Variants in LPCAT2 observed in about 807,000 individuals in gnomAD.
LPCAT2 encodes the protein lysophosphatidylcholine acyltransferase 2, also known as 1-AGP acyltransferase 11.
Under a neutral mutation model 64.7 loss-of-function variants are expected in LPCAT2, and 58 were observed. The observed-to-expected ratio is 0.90, with a 90% CI of 0.73 to 1.12. The LOEUF (loss-of-function observed/expected upper bound fraction) is 1.12. Among genes scored for constraint, LPCAT2 ranks in the 50% most tolerant of loss-of-function variants. LPCAT2 has a pLI of 0.00. For synonymous variants in LPCAT2, 252 were observed against 245.3 expected (o/e 1.03, Z -0.26); for missense variants, 579 against 669.8 (o/e 0.86, Z 1.50).
At chr16:55,521,164 T>C (rs1286282660) in intron 1 of LPCAT2, among the ~76,000 whole-genome samples, 1 of 151,792 alleles carries the variant, frequency 6.6e-6, no homozygotes, top group Non-Finnish European at 1.5e-5. Context: ...TGAAACAGCA[T>C]ATATCATTAT....
In LPCAT2 at chr16:55,575,758, T is replaced by C. The variant is rs118016001; in HGVS notation, c.1314+1029T>C. On this transcript the variant is annotated intron_variant, in intron 12 of 13. Coordinates refer to ENST00000262134, the MANE Select transcript of LPCAT2 (RefSeq NM_017839.5). ...TTAGGAATTTTCATGTGCACTATCA[T>C]TGACAGAAGAGCCCCTGAGTTTACT... 2.1e-3 allele frequency among the ~76,000 whole-genome samples: 320 copies of C among 152,340 alleles called. 6 individuals are homozygous for C. The South Asian group carries it at 0.029, about 14-fold the overall frequency.
intron 1 of LPCAT2, among the ~76,000 whole-genome samples, chr16:55,513,129 A>G (rs1379849679): frequency 6.6e-6 from 1 of 152,240 alleles, no homozygotes; most frequent in Non-Finnish European, 1.5e-5. Context: ...AAAATCAGGC[A>G]ATAAAAACAG....
rs1030230071 is a variant in LPCAT2 at position 55,584,828 on chromosome 16, A to G, written c.*1730A>G. 16 of 152,174 alleles carry G rather than the reference A, an allele frequency of 1.1e-4. No homozygotes were observed. Among genetic ancestry groups the G allele is most frequent in the African/African-American group, 3.9e-4 (16 of 41,454 alleles). 9.4% of individuals were successfully genotyped at this position (152,174 alleles called of 1,614,324 possible). ...ATTTTATCCTTAAGTATATATAATT[A>G]TTTGCCTCTTATATGTCTTAAAGCT... On this transcript the variant is annotated 3_prime_UTR_variant, in exon 14 of 14. Transcript: ENST00000262134.
chr16:55,529,670 ACTT>A (rs1389432681), intron 3 of LPCAT2, among the ~76,000 whole-genome samples, 162 bp from the exon 4 acceptor site: 1 of 152,200 alleles, frequency 6.6e-6, no homozygotes, highest in Non-Finnish European at 1.5e-5. Flanking sequence ...GTAAATATCC[ACTT>A]CTTTCAAAAT....
intron 11 of LPCAT2, among the ~76,000 whole-genome samples, chr16:55,563,996 A>G (rs1203435617): frequency 6.6e-6 from 1 of 151,920 alleles, no homozygotes; most frequent in Non-Finnish European, 1.5e-5. Context: ...TAATTAAGGG[A>G]CTTAGCAATG....
At chr16:55,521,003 A>G (rs1163152734) in intron 1 of LPCAT2, among the ~76,000 whole-genome samples, 2 of 151,858 alleles carry the variant, frequency 1.3e-5, no homozygotes, top group Non-Finnish European at 3.0e-5. Flanking sequence ...AGATAAGAGC[A>G]ATAATCAGTG....
At chr16:55,539,794 C>CTTTTTTCT in intron 8 of LPCAT2, 1 of 151,938 alleles carries the variant, frequency 6.6e-6, no homozygotes, top group South Asian at 2.1e-4. Flanking sequence ...AAGTAACCCC[C>CTTTTTTCT]TTTTTTCTTT....
chr16:55,542,453 C>T (rs1247547833), intron 8 of LPCAT2, among the ~76,000 whole-genome samples: 1 of 151,774 alleles, frequency 6.6e-6, no homozygotes, highest in Non-Finnish European at 1.5e-5. Flanking sequence ...ACCATTTGTA[C>T]CTCACAAGAG....
At chr16:55,543,610 A>G (rs563794859) in intron 8 of LPCAT2, among the ~76,000 whole-genome samples, 1 of 152,324 alleles carries the variant, frequency 6.6e-6, no homozygotes, top group Admixed American at 6.5e-5. Flanking sequence ...GAATTTTTAG[A>G]AATATTTCTT....
intron 8 of LPCAT2, chr16:55,541,859 G>A: frequency 1.6e-6 from 2 of 1,286,994 alleles, no homozygotes; most frequent in Non-Finnish European, 2.0e-6. Context: ...CTTTTGGGAA[G>A]GAAGCAGCAA....
Position 55,534,747 on chromosome 16 carries a change from G to GT in LPCAT2, c.797+271dup, listed in dbSNP as rs140705624. 3.3e-3 allele frequency among the ~76,000 whole-genome samples: 508 copies of GT among 152,174 alleles called. 8 individuals are homozygous for GT. The highest frequency in any genetic ancestry group is 0.031 in the Admixed American group (471 of 15,254). On this transcript the variant is annotated intron_variant, in intron 7 of 13. Coordinates refer to ENST00000262134, the MANE Select transcript of LPCAT2 (RefSeq NM_017839.5). ...ATGGGTCTCAAGTGTTTGCTAGTTCGTAAGTGACCTAGTTTGCATCATAGT... is the reference window on the plus strand; with the variant it reads ...ATGGGTCTCAAGTGTTTGCTAGTTCGTTAAGTGACCTAGTTTGCATCATAGT...
At chr16:55,548,008 T>A (rs1016751595) in intron 9 of LPCAT2, among the ~76,000 whole-genome samples, 44 of 152,212 alleles carry the variant, frequency 2.9e-4, no homozygotes, top group African/African-American at 1.0e-3. Flanking sequence ...CCTCGGGTGA[T>A]CCGCCTGCCT....
At chr16:55,536,961 A>G (rs1963331687) in intron 7 of LPCAT2, among the ~76,000 whole-genome samples, 1 of 152,200 alleles carries the variant, frequency 6.6e-6, no homozygotes, top group East Asian at 1.9e-4. Flanking sequence ...GACAATTTTG[A>G]TAAAGCTTCC....
At chr16:55,531,764 ATAG>A (rs1963255954) in intron 4 of LPCAT2, 147 bp from the exon 5 acceptor site, 2 of 601,868 alleles carry the variant, frequency 3.3e-6, no homozygotes, top group African/African-American at 1.9e-5. Flanking sequence ...GAATAATCTG[ATAG>A]TAGCTTTCAT....
intron 1 of LPCAT2, among the ~76,000 whole-genome samples, chr16:55,515,250 T>A (rs879022948): frequency 6.8e-6 from 1 of 146,366 alleles, no homozygotes; most frequent in Admixed American, 6.9e-5. Flanking sequence ...CTATATATAG[T>A]TACATTATGT....
At chr16:55,571,411 G>T (rs565080082) in intron 11 of LPCAT2, among the ~76,000 whole-genome samples, 15 of 152,256 alleles carry the variant, frequency 9.9e-5, no homozygotes, top group African/African-American at 3.6e-4. Context: ...ATGCTTTTCT[G>T]ATCCTGCTGA....
intron 1 of LPCAT2, among the ~76,000 whole-genome samples, chr16:55,524,758 G>A (rs554369703): frequency 1.1e-4 from 17 of 152,030 alleles, no homozygotes; most frequent in African/African-American, 4.1e-4. Context: ...AAAGAATTAA[G>A]AGCACAAACT....
chr16:55,549,834 C>G (rs1382751118), intron 10 of LPCAT2, among the ~76,000 whole-genome samples: 1 of 152,170 alleles, frequency 6.6e-6, no homozygotes, highest in Non-Finnish European at 1.5e-5. Flanking sequence ...TGCCCTAGAT[C>G]TGCCTTTTTT....
At chr16:55,579,018 A>C in intron 12 of LPCAT2, 91 bp from the exon 13 acceptor site, 1 of 1,166,736 alleles carries the variant, frequency 8.6e-7, no homozygotes, top group Non-Finnish European at 1.2e-6. Flanking sequence ...GCCACAGTAG[A>C]TGTTTGAATT....
Sources: allele counts gnomAD v4.1 joint callset (sites outside exome capture counted in the v4.1 genomes callset), GRCh38; gene constraint gnomAD v4.1.1; transcripts MANE v1.5; gene names NCBI Gene and HGNC (gene_info 2026-07-23, HGNC 2026-07-21).